The following EYS variants were observed in gnomAD, a reference collection of about 807,000 sequenced individuals.
The protein encoded by EYS is protein eyes shut homolog.
A neutral mutation model predicts 282.1 loss-of-function variants in EYS; 250 were observed. The observed-to-expected ratio is 0.89, with a 90% CI of 0.80 to 0.98. EYS has a LOEUF of 0.98. Ranked by LOEUF, EYS falls within the 50% of genes least tolerant of loss-of-function variation. EYS has a pLI of 0.00. For missense variants in EYS, 4,016 were observed against 3,709.0 expected, an observed-to-expected ratio of 1.08 and a Z score of -2.15; for synonymous variants, 1,355 against 1,282.9, an observed-to-expected ratio of 1.06 and a Z score of -1.20.
intron 22 of EYS, among the ~76,000 whole-genome samples, chr6:64,689,680 A>G (rs890956309): frequency 3.3e-5 from 5 of 152,178 alleles, no homozygotes; most frequent in East Asian, 1.9e-4. Flanking sequence ...CTACACACCT[A>G]GAACCATCTG....
intron 7 of EYS, among the ~76,000 whole-genome samples, chr6:65,397,182 A>C (rs187787719): frequency 6.6e-5 from 10 of 150,722 alleles, no homozygotes; most frequent in Admixed American, 6.6e-4. Context: ...TTTCTAAGCT[A>C]ACCTCTTTTA....
At chr6:64,712,105 G>A (rs1358466160) in intron 22 of EYS, among the ~76,000 whole-genome samples, 1 of 152,132 alleles carries the variant, frequency 6.6e-6, no homozygotes, top group South Asian at 2.1e-4. Flanking sequence ...TTGGAGATGG[G>A]GTTTCACTAG....
intron 2 of EYS, among the ~76,000 whole-genome samples, chr6:65,632,443 A>G (rs1188915742): frequency 6.6e-6 from 1 of 152,154 alleles, no homozygotes; most frequent in Non-Finnish European, 1.5e-5. Context: ...CCGCACTTAT[A>G]CTCACTAACT....
chr6:64,306,913 A>T lies in EYS; in HGVS notation c.6191+57T>A, dbSNP rs1025531535. 8.6e-6 allele frequency: 7 copies of T among 817,088 alleles called. No individual in the cohort carries two copies. The African/African-American group carries it at 1.0e-4, about 12-fold the overall frequency. 50.6% of individuals were successfully genotyped at this position (817,088 alleles called of 1,614,324 possible). A position where few individuals can be genotyped will look rare whatever the true frequency, so the allele number is the denominator to read the frequency against. ...TTAGATTATTTCAATTGGAAATGATATCTTTTGGTGTGGTTATTTGAACAA... is the reference window on the plus strand; with the variant it reads ...TTAGATTATTTCAATTGGAAATGATTTCTTTTGGTGTGGTTATTTGAACAA... On this transcript the variant is annotated intron_variant, in intron 30 of 42. Transcript: ENST00000503581.
intron 35 of EYS, among the ~76,000 whole-genome samples, chr6:63,908,184 A>ATG (rs1265374038): frequency 5.9e-5 from 9 of 151,668 alleles, no homozygotes; most frequent in Non-Finnish European, 1.3e-4. Context: ...ACAAGTGCAG[A>ATG]TATCAAATGT....
At chr6:65,576,638 C>A (rs188026219) in intron 2 of EYS, among the ~76,000 whole-genome samples, 87 of 151,912 alleles carry the variant, frequency 5.7e-4, no homozygotes, top group African/African-American at 2.0e-3. Flanking sequence ...GAAGTGAAAT[C>A]ATTTTGGTTT....
intron 15 of EYS, among the ~76,000 whole-genome samples, chr6:64,943,477 C>T (rs1256510511): frequency 1.3e-5 from 2 of 152,092 alleles, no homozygotes; most frequent in Non-Finnish European, 2.9e-5. Flanking sequence ...CTCAAAGTTT[C>T]AGGACACAAA....
chr6:65,135,111 A>T (rs1355054173), intron 12 of EYS, among the ~76,000 whole-genome samples: 1 of 152,044 alleles, frequency 6.6e-6, no homozygotes, highest in Admixed American at 6.6e-5. Context: ...ATGTCTATTG[A>T]TGTCTTATTT....
Position 63,778,054 on chromosome 6 carries a change from AT to A in EYS, c.7849del (p.Met2617Ter). The A allele has an allele frequency of 6.4e-7, 1 of 1,551,684 alleles. No homozygotes were observed. Among genetic ancestry groups the A allele is most frequent in the Middle Eastern group, 1.7e-4 (1 of 5,988 alleles). ...GQCHASPCSL[M>X]KCGNGGTCIE... is the part of the protein sequence containing the mutation. ...GCATGTCCCACCATTGCCACATTTC[AT>A]TAAACTGCAGGGAGAAGCATGACAC... On this transcript the variant is annotated frameshift_variant, in exon 40 of 43. Coordinates refer to ENST00000503581, the MANE Select transcript of EYS (RefSeq NM_001142800.2). LOFTEE classifies it high-confidence loss of function.
At position 64,548,720 on chromosome 6, in the gene EYS, C is replaced by T. The variant is rs150849995; in HGVS notation, c.5644+41503G>A. 2.5e-3 allele frequency among the ~76,000 whole-genome samples: 375 copies of T among 152,108 alleles called. 1 individual carries two copies. Among genetic ancestry groups the T allele is most frequent in the African/African-American group, 8.3e-3 (345 of 41,464 alleles). On this transcript the variant is annotated intron_variant, in intron 26 of 42. Transcript: ENST00000503581. ...GGAGGAGTAGCATTAGGAGATATAC[C>T]TAATGTTAAATGACGAGTTAATGGG...
intron 35 of EYS, among the ~76,000 whole-genome samples, chr6:63,953,003 G>A (rs1765665212): frequency 6.6e-6 from 1 of 152,164 alleles, no homozygotes; most frequent in Non-Finnish European, 1.5e-5. Context: ...AGTCTTACAG[G>A]TTAGTTCAGG....
intron 12 of EYS, among the ~76,000 whole-genome samples, chr6:65,239,794 T>C (rs1767011492): frequency 6.6e-6 from 1 of 152,130 alleles, no homozygotes; most frequent in South Asian, 2.1e-4. Flanking sequence ...TACAAAATAC[T>C]AATACCATAC....
At chr6:64,571,998 A>G (rs1765742176) in intron 26 of EYS, among the ~76,000 whole-genome samples, 1 of 152,138 alleles carries the variant, frequency 6.6e-6, no homozygotes, top group Admixed American at 6.5e-5. Context: ...CATCAGGCCA[A>G]TATCCCTGAT....
chr6:63,966,610 G>T (rs899839341), intron 35 of EYS, among the ~76,000 whole-genome samples: 1 of 152,194 alleles, frequency 6.6e-6, no homozygotes, highest in Non-Finnish European at 1.5e-5. Flanking sequence ...ATACAGCAGA[G>T]GCTAAGCTGA....
chr6:64,020,505 A>G (rs1032854539), intron 33 of EYS, among the ~76,000 whole-genome samples: 3 of 152,178 alleles, frequency 2.0e-5, no homozygotes, highest in Non-Finnish European at 2.9e-5. Flanking sequence ...TATGTTCACT[A>G]TTATTCCTGA....
At chr6:65,173,432 G>C (rs934227224) in intron 12 of EYS, among the ~76,000 whole-genome samples, 1 of 142,762 alleles carries the variant, frequency 7.0e-6, no homozygotes, top group Non-Finnish European at 1.5e-5. Flanking sequence ...GACTCACCAA[G>C]TATTACAAAA....
At chr6:65,196,421 C>T (rs1025936108) in intron 12 of EYS, among the ~76,000 whole-genome samples, 5 of 151,964 alleles carry the variant, frequency 3.3e-5, no homozygotes, top group African/African-American at 1.2e-4. Context: ...ATGCCCCGTC[C>T]CCCTTTGGGA....
At chr6:64,817,590 G>A (rs563096905) in intron 21 of EYS, among the ~76,000 whole-genome samples, 16 of 151,934 alleles carry the variant, frequency 1.1e-4, no homozygotes, top group Non-Finnish European at 1.8e-4. Flanking sequence ...TCATTTTTTC[G>A]AACCATTCTC....
At chr6:64,183,809 A>G (rs1764853286) in intron 31 of EYS, among the ~76,000 whole-genome samples, 1 of 152,068 alleles carries the variant, frequency 6.6e-6, no homozygotes, top group African/African-American at 2.4e-5. Flanking sequence ...CAAATGTCTG[A>G]TTTCCTAAAA....
Sources: gnomAD v4.1 joint callset for allele counts (sites outside exome capture counted in the v4.1 genomes callset) on GRCh38, gnomAD v4.1.1 for gene constraint, MANE v1.5 for transcripts, NCBI Gene and HGNC (gene_info 2026-07-23, HGNC 2026-07-21) for gene names.